GCNT1: variants seen among roughly 807,000 people sequenced by gnomAD.
The protein encoded by GCNT1 is beta-1,3-galactosyl-O-glycosyl-glycoprotein beta-1,6-N-acetylglucosaminyltransferase.
Under a neutral mutation model 26.2 loss-of-function variants are expected in GCNT1, and 16 were observed. That is an observed-to-expected ratio of 0.61 (90% CI 0.41 to 0.93). The LOEUF (loss-of-function observed/expected upper bound fraction) is 0.93, where lower values mean the gene tolerates loss of function less well. Among genes scored for constraint, GCNT1 ranks in the 40% least tolerant of loss-of-function variants. The probability of loss-of-function intolerance (pLI) is 0.00; values close to 1 mark genes in which losing one functional copy is unlikely to be tolerated. For synonymous variants in GCNT1, 183 were observed against 190.8 expected, an observed-to-expected ratio of 0.96 and a Z score of 0.34; for missense variants, 477 against 526.7, an observed-to-expected ratio of 0.91 and a Z score of 0.92.
rs1370955087 is a variant in GCNT1 at position 76,489,967 on chromosome 9, C to T, written c.-289-10949C>T. The stretch of plus-strand genomic sequence containing the variant: ...GTTCCATTTGTAAGATCATCTGTAG[C>T]TTGATGGCCTCAATCCTAGAGGAAA... On this transcript the variant is annotated intron_variant, in intron 2 of 3. Transcript: ENST00000376730. Among the ~76,000 whole-genome samples the T allele has an allele frequency of 2.0e-5, 3 of 150,046 alleles. No individual in the cohort carries two copies. The East Asian group carries it at 5.9e-4, about 29-fold the overall frequency.
At chr9:76,428,368 A>G (rs1188181093) in intron 1 of GCNT1, among the ~76,000 whole-genome samples, 1 of 151,316 alleles carries the variant, frequency 6.6e-6, no homozygotes, top group Non-Finnish European at 1.5e-5. Flanking sequence ...TACAATTGCT[A>G]TTTTGGCAGG....
upstream of GCNT1, among the ~76,000 whole-genome samples, chr9:76,416,004 C>T (rs183102703): frequency 1.0e-3 from 157 of 152,276 alleles, no homozygotes; most frequent in Non-Finnish European, 1.7e-3. Context: ...AGGGCAGTTC[C>T]CTGGCAAAGG....
upstream of GCNT1, among the ~76,000 whole-genome samples, chr9:76,440,934 C>T (rs145930713): frequency 0.017 from 2,541 of 151,662 alleles, 69 homozygotes; most frequent in African/African-American, 0.057. Context: ...CATGGTGGTG[C>T]ATGCCTGTAA....
chr9:76,447,057 A>G (rs561794474), intron 1 of GCNT1, among the ~76,000 whole-genome samples: 1 of 138,216 alleles, frequency 7.2e-6, no homozygotes, highest in East Asian at 2.6e-4. Flanking sequence ...TGGGAGGCTG[A>G]GGTAGGAGGA....
At chr9:76,413,671 T>TTG in the GCNT1 span, among the ~76,000 whole-genome samples, 42,256 of 140,028 alleles carry the variant, frequency 0.3, 5,842 homozygotes, top group Non-Finnish European at 0.36. Flanking sequence ...TTTTTTTGTT[T>TTG]TTTTTTTTTT....
chr9:76,489,590 AT>A (rs1229760918), intron 2 of GCNT1, among the ~76,000 whole-genome samples: 2 of 152,060 alleles, frequency 1.3e-5, no homozygotes, highest in Non-Finnish European at 2.9e-5. Flanking sequence ...CACAGTGCTG[AT>A]TGGTCTATTT....
chr9:76,504,544 G>A lies in GCNT1; in HGVS notation c.*876G>A. The A allele has an allele frequency of 5.1e-6, 2 of 395,388 alleles. No homozygotes were observed. The highest frequency in any genetic ancestry group is 9.3e-6 in the Non-Finnish European group (2 of 215,142). 24.5% of individuals were successfully genotyped at this position (395,388 alleles called of 1,614,324 possible). On this transcript the variant is annotated 3_prime_UTR_variant, in exon 4 of 4. Transcript: ENST00000376730. ...TCTGCTATCTGACTGCCAGTAATTA[G>A]TGCAGAAAACTAAGACAGGATGATA...
chr9:76,482,213 C>G (rs568813882), intron 2 of GCNT1, among the ~76,000 whole-genome samples: 1 of 151,960 alleles, frequency 6.6e-6, no homozygotes, highest in East Asian at 1.9e-4. Flanking sequence ...GTTGTACTTA[C>G]GAAAAACAGC....
intron 1 of GCNT1, among the ~76,000 whole-genome samples, chr9:76,426,996 C>A (rs1823265404): frequency 6.6e-6 from 1 of 152,074 alleles, no homozygotes. Flanking sequence ...AAGTCCTAAC[C>A]CCTAGTTCCT....
At chr9:76,448,047 A>G (rs975051305) in intron 1 of GCNT1, among the ~76,000 whole-genome samples, 1 of 152,166 alleles carries the variant, frequency 6.6e-6, no homozygotes, top group Non-Finnish European at 1.5e-5. Flanking sequence ...GAGAGCCTCT[A>G]CTCTGAAAGT....
chr9:76,450,403 T>A (rs778304602), intron 1 of GCNT1, among the ~76,000 whole-genome samples: 1 of 152,258 alleles, frequency 6.6e-6, no homozygotes, highest in Non-Finnish European at 1.5e-5. Flanking sequence ...GTGTTTCGAT[T>A]CTGAAATCTT....
chr9:76,480,993 C>T (rs1461018730), intron 2 of GCNT1, among the ~76,000 whole-genome samples: 1 of 152,038 alleles, frequency 6.6e-6, no homozygotes, highest in East Asian at 1.9e-4. Context: ...AATCCCAGCA[C>T]TTTGGGAGGC....
the GCNT1 span, among the ~76,000 whole-genome samples, chr9:76,412,946 G>A: frequency 3.3e-5 from 5 of 152,142 alleles, no homozygotes; most frequent in Non-Finnish European, 7.3e-5. Context: ...AGGGAAACCT[G>A]CCTGGATAAT....
Position 76,478,856 on chromosome 9 carries a change from T to C in GCNT1, c.-290+18679T>C, listed in dbSNP as rs1435200295. On this transcript the variant is annotated intron_variant, in intron 2 of 3. Transcript: ENST00000376730. ...TATATGTATTTCTAGCAATACATTTTATTTATCTATTTTTATTGTATTTTA... is the reference window on the plus strand; with the variant it reads ...TATATGTATTTCTAGCAATACATTTCATTTATCTATTTTTATTGTATTTTA... Among the ~76,000 whole-genome samples, 41 of 152,258 alleles carry C rather than the reference T, an allele frequency of 2.7e-4. 1 individual carries two copies. Among genetic ancestry groups the C allele is most frequent in the Admixed American group, 2.7e-3 (41 of 15,292 alleles).
At chr9:76,492,538 C>T (rs1023940718) in intron 2 of GCNT1, among the ~76,000 whole-genome samples, 5 of 150,726 alleles carry the variant, frequency 3.3e-5, no homozygotes, top group African/African-American at 4.9e-5. Flanking sequence ...TAAATGTACC[C>T]GGGGCTCAGT....
At chr9:76,466,684 G>A (rs895647377) in intron 2 of GCNT1, among the ~76,000 whole-genome samples, 1 of 152,154 alleles carries the variant, frequency 6.6e-6, no homozygotes, top group African/African-American at 2.4e-5. Context: ...TTTCAGAGAG[G>A]GTGAGAACAC....
intron 2 of GCNT1, among the ~76,000 whole-genome samples, chr9:76,495,252 G>A (rs1480411683): frequency 6.6e-6 from 1 of 152,112 alleles, no homozygotes; most frequent in Admixed American, 6.6e-5. Flanking sequence ...GAATGTTACA[G>A]CTCTTAAAGA....
At chr9:76,473,473 A>G (rs977677754) in intron 2 of GCNT1, among the ~76,000 whole-genome samples, 2 of 152,212 alleles carry the variant, frequency 1.3e-5, no homozygotes, top group Non-Finnish European at 2.9e-5. Context: ...AGATTTGAAC[A>G]AAAGTCAAAA....
chr9:76,472,731 TTTC>T (rs1482789081), intron 2 of GCNT1, among the ~76,000 whole-genome samples: 1 of 91,812 alleles, frequency 1.1e-5, no homozygotes, highest in Non-Finnish European at 2.0e-5. Flanking sequence ...TTTCTTTTCT[TTTC>T]TTTTCTTTTC....
Sources: gnomAD v4.1 joint callset for allele counts (sites outside exome capture counted in the v4.1 genomes callset) on GRCh38, gnomAD v4.1.1 for gene constraint, MANE v1.5 for transcripts, NCBI Gene and HGNC (gene_info 2026-07-23, HGNC 2026-07-21) for gene names.